FOXP2: variants seen among roughly 807,000 people sequenced by gnomAD.
FOXP2 encodes forkhead box protein P2.
In FOXP2, 12 loss-of-function variants were observed where a neutral mutation model predicts 115.8. That is an observed-to-expected ratio of 0.10 (90% CI 0.07 to 0.17). FOXP2 has a LOEUF of 0.17. Among genes scored for constraint, FOXP2 ranks in the 10% least tolerant of loss-of-function variants. FOXP2 has a pLI of 1.00. For missense variants in FOXP2, 629 were observed against 843.5 expected (o/e 0.75, Z 3.15); for synonymous variants, 328 against 297.7 (o/e 1.10, Z -1.05).
chr7:114,268,525 A>G (rs2129172422), intron 1 of FOXP2, among the ~76,000 whole-genome samples: 1 of 152,310 alleles, frequency 6.6e-6, no homozygotes, highest in Admixed American at 6.5e-5. Context: ...AAGATAGAGT[A>G]TGTTGTAATA....
intron 1 of FOXP2, among the ~76,000 whole-genome samples, chr7:114,266,311 G>A (rs905012462): frequency 1.3e-5 from 2 of 152,112 alleles, no homozygotes; most frequent in African/African-American, 2.4e-5. Flanking sequence ...TTCTCTGTTA[G>A]GGCAGGTCTT....
At chr7:114,251,279 G>C (rs1168719742) in intron 1 of FOXP2, among the ~76,000 whole-genome samples, 2 of 152,126 alleles carry the variant, frequency 1.3e-5, no homozygotes, top group African/African-American at 4.8e-5. Flanking sequence ...TGGCAATGTG[G>C]GCTCTTTTTT....
intron 2 of FOXP2, among the ~76,000 whole-genome samples, chr7:114,485,224 A>T (rs929548838): frequency 2.6e-5 from 4 of 151,856 alleles, no homozygotes; most frequent in African/African-American, 7.2e-5. Context: ...GTTTTAGAAA[A>T]TTTTTTTATT....
chr7:114,404,720 A>G lies in FOXP2; in HGVS notation c.-10-21782A>G, dbSNP rs1792991608. Among the ~76,000 whole-genome samples, 4 of 152,098 alleles carry G rather than the reference A, an allele frequency of 2.6e-5. 1 individual carries two copies. The highest frequency in any genetic ancestry group is 2.6e-4 in the Admixed American group (4 of 15,260). The stretch of plus-strand genomic sequence containing the variant: ...TTTTGTCAGTTTAGTTAATTCAAAT[A>G]AAATTTGTGAAGTTAACCACTTTCA... On this transcript the variant is annotated intron_variant, in intron 2 of 17. Coordinates refer to the FOXP2 transcript ENST00000634411.
intron 2 of FOXP2, among the ~76,000 whole-genome samples, chr7:114,293,033 A>G (rs1796647067): frequency 6.6e-6 from 1 of 152,194 alleles, no homozygotes; most frequent in African/African-American, 2.4e-5. Context: ...GAAACCAATT[A>G]CATATGGGAA....
At chr7:114,309,056 T>G (rs1797081124) in intron 2 of FOXP2, among the ~76,000 whole-genome samples, 1 of 152,192 alleles carries the variant, frequency 6.6e-6, no homozygotes, top group Non-Finnish European at 1.5e-5. Flanking sequence ...TTTAAGAGTG[T>G]ATAGCAAACA....
At chr7:114,683,901 A>G (rs1167238373) in intron 16 of FOXP2, among the ~76,000 whole-genome samples, 2 of 39,992 alleles carry the variant, frequency 5.0e-5, no homozygotes, top group African/African-American at 7.3e-5. Context: ...TTTTGGCTTA[A>G]TCCTCTTTCA....
chr7:114,161,554 A>G (rs553757489), upstream of FOXP2, among the ~76,000 whole-genome samples: 3 of 151,916 alleles, frequency 2.0e-5, no homozygotes, highest in South Asian at 6.2e-4. Flanking sequence ...TTTTTAATAA[A>G]TACCACCAGT....
At chr7:114,264,532 A>G (rs1175386878) in intron 1 of FOXP2, among the ~76,000 whole-genome samples, 1 of 152,132 alleles carries the variant, frequency 6.6e-6, no homozygotes, top group African/African-American at 2.4e-5. Flanking sequence ...CTTCTCCTTC[A>G]CCCACAATAG....
At chr7:114,661,283 C>T (rs368907073) in intron 13 of FOXP2, among the ~76,000 whole-genome samples, 100 of 151,862 alleles carry the variant, frequency 6.6e-4, no homozygotes, top group African/African-American at 2.4e-3. Flanking sequence ...ATTATGTGGT[C>T]TACTGTATAT....
At position 114,628,651 on chromosome 7, in the gene FOXP2, C is replaced by A; in HGVS notation, c.370C>A (p.Gln124Lys). 6.2e-7 allele frequency: 1 copy of A among 1,614,100 alleles called. No homozygotes were observed. The highest frequency in any genetic ancestry group is 8.5e-7 in the Non-Finnish European group (1 of 1,179,978). The part of the protein sequence containing the change: ...SPQQLQALLQ[Q>K]QQAVMLQQQQ... ...TCAGCAGCTACAAGCCCTTCTCCAA[C>A]AACAGCAGGCTGTCATGCTGCAGCA... The change falls in exon 4 of 17, where the codon CAA becomes AAA. Residue 124 changes from glutamine to lysine, a missense_variant. Around this residue, in one of 9 missense-constraint regions of FOXP2, gnomAD observed 138 missense variants for 205.1 expected, o/e 0.67. Coordinates refer to ENST00000350908, the MANE Select transcript of FOXP2 (RefSeq NM_014491.4).
chr7:114,609,310 A>C lies in FOXP2; in HGVS notation c.259-19230A>C, dbSNP rs980136312. Among the ~76,000 whole-genome samples, 3 of 152,126 alleles carry C rather than the reference A, an allele frequency of 2.0e-5. 1 individual carries two copies. The highest frequency in any genetic ancestry group is 2.0e-4 in the Admixed American group (3 of 15,272). On this transcript the variant is annotated intron_variant, in intron 3 of 16. Transcript: ENST00000350908. ...TATAAAAAGAACTGTGCAAGTTAAA[A>C]TTGTGCAAAGAATCTTAATGAGCAA...
At chr7:114,678,115 A>C (rs1224187586) in intron 16 of FOXP2, among the ~76,000 whole-genome samples, 1 of 152,220 alleles carries the variant, frequency 6.6e-6, no homozygotes, top group Non-Finnish European at 1.5e-5. Flanking sequence ...GTTAGGCTTA[A>C]CGTGAAGTCA....
In FOXP2 at chr7:114,593,684, CAG is replaced by C. The variant is rs572021251; in HGVS notation, c.259-34853_259-34852del. On this transcript the variant is annotated intron_variant, in intron 3 of 16. Transcript: ENST00000350908. Reference sequence around the variant, plus strand: ...TACCTGGCCCCAGATCTCCTTTTTGCAGAGTGTCTGGTTTTCTATAACACATC... The same window carrying C: ...TACCTGGCCCCAGATCTCCTTTTTGCAGTGTCTGGTTTTCTATAACACATC... Among the ~76,000 whole-genome samples, 307 of 152,000 alleles carry C rather than the reference CAG, an allele frequency of 2.0e-3. 1 individual carries two copies. The highest frequency in any genetic ancestry group is 6.7e-3 in the African/African-American group (280 of 41,518).
intron 1 of FOXP2, among the ~76,000 whole-genome samples, chr7:114,273,988 TC>T (rs1180322606): frequency 5.3e-5 from 8 of 152,114 alleles, no homozygotes; most frequent in African/African-American, 1.9e-4. Flanking sequence ...TTGTCCTTGT[TC>T]TTTGTTCCTA....
chr7:114,500,821 T>C (rs371943937), intron 2 of FOXP2, among the ~76,000 whole-genome samples: 17 of 152,170 alleles, frequency 1.1e-4, no homozygotes, highest in African/African-American at 3.9e-4. Context: ...AATAGTGCAA[T>C]TAATGCAAAG....
At chr7:114,167,125 T>C (rs189991139) in intron 1 of FOXP2, among the ~76,000 whole-genome samples, 2 of 152,316 alleles carry the variant, frequency 1.3e-5, no homozygotes, top group East Asian at 3.9e-4. Flanking sequence ...CACAAAAACT[T>C]GCACTAGAAC....
At chr7:114,301,818 G>A (rs960258440) in intron 2 of FOXP2, among the ~76,000 whole-genome samples, 5 of 152,052 alleles carry the variant, frequency 3.3e-5, no homozygotes, top group Admixed American at 6.6e-5. Flanking sequence ...TCAAGAGCTG[G>A]TCAACATCTT....
intron 3 of FOXP2, among the ~76,000 whole-genome samples, chr7:114,581,608 G>A (rs1801872751): frequency 6.6e-6 from 1 of 152,020 alleles, no homozygotes. Flanking sequence ...AACCTATACT[G>A]ACACATCATT....
Sources: allele counts gnomAD v4.1 joint callset (sites outside exome capture counted in the v4.1 genomes callset), GRCh38; gene constraint gnomAD v4.1.1; regional missense constraint gnomAD v4.1.1; transcripts MANE v1.5; gene names NCBI Gene and HGNC (gene_info 2026-07-23, HGNC 2026-07-21).